Variants in BPTF observed in about 807,000 individuals in gnomAD.
BPTF encodes the protein bromodomain PHD finger transcription factor, also known as nucleosome-remodeling factor subunit BPTF.
Under a neutral mutation model 292.5 loss-of-function variants are expected in BPTF, and 18 were observed. That is an observed-to-expected ratio of 0.06 (90% CI 0.04 to 0.09). The LOEUF is 0.09. Among genes scored for constraint, BPTF ranks in the 10% least tolerant of loss-of-function variants. BPTF has a pLI of 1.00. For missense variants in BPTF, 2,726 were observed against 3,498.7 expected, an observed-to-expected ratio of 0.78 and a Z score of 5.57; for synonymous variants, 1,225 against 1,251.9, an observed-to-expected ratio of 0.98 and a Z score of 0.45.
intron 18 of BPTF, among the ~76,000 whole-genome samples, chr17:67,937,961 A>T (rs913026185): frequency 3.9e-5 from 6 of 152,090 alleles, no homozygotes; most frequent in Non-Finnish European, 8.8e-5. Context: ...TTAAAATACA[A>T]AAAATAGCCG....
chr17:67,913,831 T>G (rs2146986950), intron 11 of BPTF, among the ~76,000 whole-genome samples: 1 of 152,304 alleles, frequency 6.6e-6, no homozygotes, highest in South Asian at 2.1e-4. Context: ...TGTAGTTTTA[T>G]GTTGGGAAGG....
At chr17:67,870,766 C>CTTTTTTT (rs11418428) in intron 3 of BPTF, among the ~76,000 whole-genome samples, 144 of 106,346 alleles carry the variant, frequency 1.4e-3, no homozygotes, top group African/African-American at 2.8e-3. Context: ...TGCTTCATTT[C>CTTTTTTT]TTTTTTTTTT....
At position 67,909,663 on chromosome 17, in the gene BPTF, C is replaced by T; in HGVS notation, c.2894C>T (p.Pro965Leu). Residue 965 changes from proline (P) to leucine (L), a missense_variant, in exon 10 of 28, where the codon CCT becomes CTT. By Grantham distance (98) the Pro-to-Leu change is moderately conservative. Coordinates refer to ENST00000306378, the MANE Select transcript of BPTF (RefSeq NM_182641.4). ...AGTCCAAAAAAAATAAAAATAGAGC[C>T]TGATTCTGAAAAAGATGAGGTAAAA... ...SRSPKKIKIE[P>L]DSEKDEVKGS... 6.2e-7 allele frequency: 1 copy of T among 1,603,224 alleles called. No homozygotes were observed.
intron 1 of BPTF, among the ~76,000 whole-genome samples, chr17:67,840,854 T>C (rs375931264): frequency 6.6e-6 from 1 of 152,030 alleles, no homozygotes; most frequent in Non-Finnish European, 1.5e-5. Context: ...TGAGCCACCA[T>C]GCCCAGCCAA....
At chr17:67,921,233 A>G (rs1160307296) in intron 13 of BPTF, among the ~76,000 whole-genome samples, 6 of 149,596 alleles carry the variant, frequency 4.0e-5, no homozygotes, top group African/African-American at 1.5e-4. Flanking sequence ...AAAAAAAAAA[A>G]AAGAAATACA....
rs1378282573 is a variant in BPTF, at chr17:67,825,518, G to A, written c.-207G>A. 3 of 422,418 alleles carry A rather than the reference G, an allele frequency of 7.1e-6. No individual in the cohort carries two copies. The highest frequency in any genetic ancestry group is 2.7e-5 in the Admixed American group (1 of 36,688). The allele number at this position is 422,418 out of a possible 1,614,324, so 26.2% of individuals were successfully genotyped here. ...CGGTTCCCCCAGTCACCGAGCGAGA[G>A]GGAAGAAACAAGATGGCGGCTGAAG... On this transcript the variant is annotated 5_prime_UTR_variant, in exon 1 of 28. Coordinates refer to ENST00000306378, the MANE Select transcript of BPTF (RefSeq NM_182641.4).
chr17:67,844,110 C>T (rs2057825504), intron 1 of BPTF, among the ~76,000 whole-genome samples: 1 of 127,826 alleles, frequency 7.8e-6, no homozygotes, highest in Non-Finnish European at 1.6e-5. Context: ...GATGGAGTCT[C>T]ACTCTGTCAC....
chr17:67,847,178 T>C (rs1317359028), intron 1 of BPTF, among the ~76,000 whole-genome samples: 1 of 152,164 alleles, frequency 6.6e-6, no homozygotes, highest in Non-Finnish European at 1.5e-5. Context: ...AATAAGATAA[T>C]GCACTTTAAA....
At chr17:67,974,093 C>T (rs1555692522) in intron 26 of BPTF, 1 of 152,108 alleles carries the variant, frequency 6.6e-6, no homozygotes, top group Non-Finnish European at 1.5e-5. Context: ...CTAAAATATT[C>T]ACTAACCTTT....
At chr17:67,842,250 T>C (rs1452142906) in intron 1 of BPTF, among the ~76,000 whole-genome samples, 8 of 152,190 alleles carry the variant, frequency 5.3e-5, no homozygotes, top group African/African-American at 1.4e-4. Flanking sequence ...TTGACAGATA[T>C]ATATCTACAT....
intron 7 of BPTF, among the ~76,000 whole-genome samples, chr17:67,897,177 A>C (rs901846710): frequency 3.0e-4 from 46 of 151,400 alleles, no homozygotes; most frequent in Non-Finnish European, 4.1e-4. Context: ...AAAAAAACAA[A>C]AACAAAAAAC....
At chr17:67,943,748 C>T (rs2065581054) in intron 19 of BPTF, among the ~76,000 whole-genome samples, 1 of 152,102 alleles carries the variant, frequency 6.6e-6, no homozygotes, top group Non-Finnish European at 1.5e-5. Context: ...GTCACAAGTC[C>T]ATTGTGAGAA....
intron 13 of BPTF, 82 bp downstream of exon 13, chr17:67,920,225 TCTC>T (rs1331353224): frequency 4.7e-6 from 7 of 1,474,324 alleles, no homozygotes; most frequent in Non-Finnish European, 6.5e-6. Flanking sequence ...AATTTTTTCT[TCTC>T]TGTTCACCTT....
intron 1 of BPTF, among the ~76,000 whole-genome samples, chr17:67,836,782 T>C (rs1263202728): frequency 6.6e-6 from 1 of 152,204 alleles, no homozygotes; most frequent in Non-Finnish European, 1.5e-5. Context: ...CTTCTTAAAG[T>C]CTTATTCAGT....
chr17:67,907,854 A>G (rs2062342446), intron 9 of BPTF, among the ~76,000 whole-genome samples: 1 of 152,192 alleles, frequency 6.6e-6, no homozygotes, highest in Non-Finnish European at 1.5e-5. Context: ...TTCTCAGTCC[A>G]TATTCCACTT....
At chr17:67,880,958 T>C (rs58224652) in intron 4 of BPTF, among the ~76,000 whole-genome samples, 14,668 of 148,954 alleles carry the variant, frequency 0.098, 2,491 homozygotes, top group African/African-American at 0.35. Context: ...TATATATATA[T>C]ACACACACAC....
intron 3 of BPTF, among the ~76,000 whole-genome samples, chr17:67,870,607 A>G (rs1419902670): frequency 2.0e-5 from 3 of 151,988 alleles, no homozygotes; most frequent in Admixed American, 2.0e-4. Context: ...ATATCTAATC[A>G]TGTTCTTTAA....
intron 18 of BPTF, among the ~76,000 whole-genome samples, chr17:67,934,074 T>C (rs974200727): frequency 4.6e-5 from 7 of 151,938 alleles, no homozygotes; most frequent in Admixed American, 6.6e-5. Context: ...TAATAATTCA[T>C]AGGCTTTTTG....
chr17:67,834,644 C>T (rs1037471241), intron 1 of BPTF, among the ~76,000 whole-genome samples: 4 of 152,158 alleles, frequency 2.6e-5, no homozygotes, highest in Non-Finnish European at 5.9e-5. Context: ...ATTTTATCCT[C>T]TTAATTATTT....
Sources: gnomAD v4.1 joint callset for allele counts (sites outside exome capture counted in the v4.1 genomes callset) on GRCh38, gnomAD v4.1.1 for gene constraint, MANE v1.5 for transcripts, NCBI Gene and HGNC (gene_info 2026-07-23, HGNC 2026-07-21) for gene names.